ZFHX3: variants seen among roughly 807,000 people sequenced by gnomAD.
ZFHX3 encodes zinc finger homeobox protein 3.
In ZFHX3, 42 loss-of-function variants were observed where a neutral mutation model predicts 279.1. The ratio of observed to expected loss-of-function variants is 0.15; its 90% CI spans 0.12 to 0.19. The LOEUF is 0.19. Among genes scored for constraint, ZFHX3 ranks in the 10% least tolerant of loss-of-function variants. The pLI is 1.00. For synonymous variants in ZFHX3, 2,293 were observed against 1,957.8 expected (o/e 1.17, Z -4.52); for missense variants, 4,981 against 4,754.0 (o/e 1.05, Z -1.40).
chr16:73,625,369 C>A (rs2052405158), intron 2 of ZFHX3, among the ~76,000 whole-genome samples: 1 of 152,222 alleles, frequency 6.6e-6, no homozygotes, highest in African/African-American at 2.4e-5. Context: ...TCAATGTGTT[C>A]ATACTTAAGG....
Position 72,800,058 on chromosome 16 carries a change from A to G in ZFHX3, c.3936T>C (p.Asn1312=), listed in dbSNP as rs761594861. The G allele has an allele frequency of 2.1e-5, 34 of 1,614,078 alleles. No individual in the cohort carries two copies. Among genetic ancestry groups the G allele is most frequent in the Middle Eastern group, 1.6e-4 (1 of 6,084 alleles). Residue 1312 remains asparagine, a synonymous_variant, in exon 8 of 10, where the codon AAT becomes AAC. Transcript: ENST00000268489. Reference sequence around the variant, plus strand: ...GCTTTCCTGCCTCTTCCAAATTGGAATTCCCATCTCGATCTGGAACAGCTG... The same window carrying G: ...GCTTTCCTGCCTCTTCCAAATTGGAGTTCCCATCTCGATCTGGAACAGCTG... The part of the protein sequence containing the change: ...LPAAVPDRDG[N]SNLEEAGKQP...
intron 2 of ZFHX3, among the ~76,000 whole-genome samples, chr16:73,532,279 A>G (rs2143730150): frequency 6.6e-6 from 1 of 152,192 alleles, no homozygotes; most frequent in East Asian, 1.9e-4. Flanking sequence ...AATAAGTCTC[A>G]TGAGACCTGA....
intron 5 of ZFHX3, among the ~76,000 whole-genome samples, chr16:73,169,601 G>A (rs1223923806): frequency 6.6e-6 from 1 of 151,914 alleles, no homozygotes; most frequent in Non-Finnish European, 1.5e-5. Context: ...AGAGGTTGCA[G>A]TGAGCCAAGA....
chr16:72,976,476 G>A (rs372169709), intron 1 of ZFHX3, among the ~76,000 whole-genome samples: 1 of 152,022 alleles, frequency 6.6e-6, no homozygotes, highest in Non-Finnish European at 1.5e-5. Context: ...TTATTCATTC[G>A]TGCCACAATA....
chr16:73,115,938 A>G (rs1304385354), intron 7 of ZFHX3, among the ~76,000 whole-genome samples: 1 of 152,060 alleles, frequency 6.6e-6, no homozygotes, highest in Non-Finnish European at 1.5e-5. Context: ...GACCAACATC[A>G]TGGAGAAACC....
chr16:72,958,013 G>C lies in ZFHX3; in HGVS notation c.2133C>G (p.Pro711=). ...TGTAGCTCTCGCCTCGTGCCAGCCG[G>C]GGGTGGGGCTGCCCGCTTTTGCAGT... is the stretch of plus-strand genomic sequence containing the variant. ...CVYCKSGQPH[P]RLARGESYTC... is the part of the protein sequence containing the mutation. Residue 711 remains proline, a synonymous_variant, in exon 2 of 10, where the codon CCC becomes CCG. Coordinates refer to ENST00000268489, the MANE Select transcript of ZFHX3 (RefSeq NM_006885.4). 1.2e-6 allele frequency: 2 copies of C among 1,604,610 alleles called. No individual in the cohort carries two copies. Among genetic ancestry groups the C allele is most frequent in the Non-Finnish European group, 1.7e-6 (2 of 1,176,260 alleles).
upstream of ZFHX3, chr16:73,048,454 G>A (rs1226437865): frequency 6.6e-6 from 1 of 151,956 alleles, no homozygotes; most frequent in East Asian, 1.9e-4. Flanking sequence ...CACCCGCCTG[G>A]GGCCAGGAAC....
intron 7 of ZFHX3, among the ~76,000 whole-genome samples, chr16:73,108,786 GTCCT>G (rs1262637365): frequency 2.0e-5 from 3 of 152,182 alleles, no homozygotes; most frequent in Admixed American, 2.0e-4. Context: ...TGTTGATTAG[GTCCT>G]TTTGGGATCA....
chr16:73,660,910 G>A (rs546466568), intron 2 of ZFHX3, among the ~76,000 whole-genome samples: 1 of 143,134 alleles, frequency 7.0e-6, no homozygotes. Flanking sequence ...TTTAATCCTA[G>A]GATCTATCTG....
rs2035786885 is a variant in ZFHX3, at chr16:72,793,520, G to A, written c.9162C>T (p.Asp3054=). 2 of 1,614,180 alleles carry A rather than the reference G, an allele frequency of 1.2e-6. No homozygotes were observed. The highest frequency in any genetic ancestry group is 1.6e-4 in the Middle Eastern group (1 of 6,062). Residue 3054 remains aspartate (D), a synonymous_variant, in exon 9 of 10, where the codon GAC becomes GAT. Coordinates refer to ENST00000268489, the MANE Select transcript of ZFHX3 (RefSeq NM_006885.4). This position sits in a 1 kb window ranked among gnomAD's most constrained non-coding sequence, Gnocchi z 4.3. The stretch of plus-strand genomic sequence containing the variant: ...CCTTGTCCAGCTGGCTTCCAATGGT[G>A]TCTTTAACTTTGGAGATATGCTGTT... ...FSQQHISKVK[D]TIGSQLDKEK... is the part of the protein sequence containing the mutation.
intron 4 of ZFHX3, among the ~76,000 whole-genome samples, chr16:72,859,709 CT>C (rs2037836173): frequency 2.6e-5 from 4 of 152,176 alleles, no homozygotes; most frequent in Admixed American, 2.6e-4. Context: ...TGAGACCATC[CT>C]TTAGTCTACA....
chr16:73,649,341 C>T (rs189153667), intron 2 of ZFHX3, among the ~76,000 whole-genome samples: 2 of 152,258 alleles, frequency 1.3e-5, no homozygotes, highest in East Asian at 3.9e-4. Context: ...TTGTTCTCTA[C>T]TCAACATGTA....
At chr16:73,410,886 C>A (rs2143459406) in intron 3 of ZFHX3, among the ~76,000 whole-genome samples, 1 of 152,366 alleles carries the variant, frequency 6.6e-6, no homozygotes, top group Non-Finnish European at 1.5e-5. Flanking sequence ...AGCACACAGA[C>A]TCAAAGTAAC....
At chr16:73,097,933 T>C (rs1381987466) in intron 7 of ZFHX3, among the ~76,000 whole-genome samples, 1 of 152,244 alleles carries the variant, frequency 6.6e-6, no homozygotes, top group Non-Finnish European at 1.5e-5. Context: ...TACCAAATAA[T>C]ATTCCACTGT....
intron 5 of ZFHX3, among the ~76,000 whole-genome samples, chr16:73,226,946 A>G (rs929387318): frequency 2.0e-5 from 3 of 152,248 alleles, no homozygotes; most frequent in African/African-American, 7.2e-5. Context: ...GAAGTAATTC[A>G]TCACGTGTAT....
At chr16:73,645,917 T>C (rs962948591) in intron 2 of ZFHX3, among the ~76,000 whole-genome samples, 20 of 152,196 alleles carry the variant, frequency 1.3e-4, no homozygotes, top group Admixed American at 6.5e-5. Flanking sequence ...CTTAGTCTTG[T>C]GTAGCTCATT....
chr16:73,104,703 G>A (rs1287589428), intron 7 of ZFHX3, among the ~76,000 whole-genome samples: 1 of 152,158 alleles, frequency 6.6e-6, no homozygotes. Flanking sequence ...GAACCTCTCA[G>A]GGCCTCGGTT....
At chr16:73,514,186 T>G (rs1028417682) in intron 2 of ZFHX3, among the ~76,000 whole-genome samples, 3 of 151,988 alleles carry the variant, frequency 2.0e-5, no homozygotes, top group African/African-American at 4.8e-5. Flanking sequence ...AGGCAGAGGT[T>G]GCAGTGAGCC....
At chr16:73,277,086 C>G (rs1383268691) in intron 4 of ZFHX3, among the ~76,000 whole-genome samples, 1 of 152,144 alleles carries the variant, frequency 6.6e-6, no homozygotes, top group Non-Finnish European at 1.5e-5. Context: ...TGGCAAGATC[C>G]TTAAGAGGAG....
Sources: allele counts gnomAD v4.1 joint callset (sites outside exome capture counted in the v4.1 genomes callset), GRCh38; gene constraint gnomAD v4.1.1; non-coding constraint Gnocchi (gnomAD v3.1); transcripts MANE v1.5; gene names NCBI Gene and HGNC (gene_info 2026-07-23, HGNC 2026-07-21).